The following LRRC66 variants were observed in gnomAD, a reference collection of about 807,000 sequenced individuals.
LRRC66 encodes leucine rich repeat containing 66, also known as leucine-rich repeat-containing protein 66.
LRRC66 carries 29 observed loss-of-function variants against 24.6 expected under a neutral mutation model. That is an observed-to-expected ratio of 1.18 (90% CI 0.88 to 1.61). The LOEUF (loss-of-function observed/expected upper bound fraction) is 1.61. Among genes scored for constraint, LRRC66 ranks in the 40% most tolerant of loss-of-function variants. The pLI, the probability that LRRC66 is intolerant of heterozygous loss-of-function variation, is 0.00. For missense variants in LRRC66, 1,124 were observed against 1,058.0 expected (o/e 1.06, Z -0.87); for synonymous variants, 411 against 397.6 (o/e 1.03, Z -0.40).
chr4:52,009,360 T>C (rs1311887181), intron 2 of LRRC66, among the ~76,000 whole-genome samples: 3 of 151,878 alleles, frequency 2.0e-5, no homozygotes, highest in Admixed American at 2.0e-4. Flanking sequence ...ATGAATGAAA[T>C]TGTAAGTAAG....
intron 3 of LRRC66, among the ~76,000 whole-genome samples, chr4:51,999,944 T>C (rs769997349): frequency 1.3e-5 from 2 of 152,314 alleles, no homozygotes; most frequent in Non-Finnish European, 2.9e-5. Flanking sequence ...CAAAGCATGG[T>C]GATAAATGTA....
intron 1 of LRRC66, among the ~76,000 whole-genome samples, chr4:52,018,946 A>C (rs1285041251): frequency 6.6e-6 from 1 of 152,150 alleles, no homozygotes; most frequent in Non-Finnish European, 1.5e-5. Flanking sequence ...GCGCCATGTC[A>C]GCTCACCACA....
At chr4:52,010,110 G>A (rs1006593279) in intron 2 of LRRC66, among the ~76,000 whole-genome samples, 1 of 152,068 alleles carries the variant, frequency 6.6e-6, no homozygotes, top group South Asian at 2.1e-4. Context: ...ATCCAGAAAA[G>A]GTCTTGGGCA....
chr4:52,007,569 G>C (rs1736617007), intron 2 of LRRC66, among the ~76,000 whole-genome samples: 1 of 152,172 alleles, frequency 6.6e-6, no homozygotes, highest in African/African-American at 2.4e-5. Context: ...GTTTCTCATA[G>C]CTGGAATTGA....
intron 1 of LRRC66, among the ~76,000 whole-genome samples, chr4:52,018,937 C>T (rs1428855770): frequency 3.3e-5 from 5 of 152,164 alleles, no homozygotes; most frequent in African/African-American, 7.2e-5. Context: ...AGTGCAAGAG[C>T]GCCATGTCAG....
chr4:52,011,937 C>A (rs1038188906), intron 2 of LRRC66, among the ~76,000 whole-genome samples: 17 of 152,264 alleles, frequency 1.1e-4, no homozygotes, highest in Middle Eastern at 3.4e-3. Flanking sequence ...GTAATCCCAG[C>A]ACTTTGGGAG....
At chr4:51,998,079 G>A (rs967956456) in intron 3 of LRRC66, 142 bp from the exon 4 acceptor site, 16 of 705,290 alleles carry the variant, frequency 2.3e-5, no homozygotes, top group Non-Finnish European at 3.5e-5. Context: ...GGGAATTAGT[G>A]GGGTTTTAAG....
At chr4:52,006,549 T>G (rs1228306857) in intron 2 of LRRC66, among the ~76,000 whole-genome samples, 1 of 68,616 alleles carries the variant, frequency 1.5e-5, no homozygotes, top group Non-Finnish European at 2.7e-5. Flanking sequence ...TGGGGACTGT[T>G]GTGGGTTGGG....
chr4:52,007,683 AG>A (rs2110199349), intron 2 of LRRC66, among the ~76,000 whole-genome samples: 1 of 152,378 alleles, frequency 6.6e-6, no homozygotes, highest in Admixed American at 6.5e-5. Context: ...TCTTGTGGGC[AG>A]AATACACTTC....
Position 52,017,462 on chromosome 4 carries a change from T to G in LRRC66, c.152A>C (p.Lys51Thr). 6.2e-7 allele frequency: 1 copy of G among 1,614,128 alleles called. No homozygotes were observed. Among genetic ancestry groups the G allele is most frequent in the South Asian group, 1.1e-5 (1 of 91,078 alleles). Residue 51 changes from lysine to threonine, a missense_variant, in exon 2 of 5, where the codon AAG becomes ACG. Transcript: ENST00000682860. ...YILTNCSFTG[K>T]CDIPVDISQT... is the part of the protein sequence containing the mutation. Reference sequence around the variant, plus strand: ...TGATATGTCCACAGGTATATCACACTTTCCGGTAAAAGAACAATTTGTCAG... The same window carrying G: ...TGATATGTCCACAGGTATATCACACGTTCCGGTAAAAGAACAATTTGTCAG...
intron 2 of LRRC66, among the ~76,000 whole-genome samples, chr4:52,015,719 T>C (rs1246359351): frequency 6.6e-6 from 1 of 152,234 alleles, no homozygotes; most frequent in African/African-American, 2.4e-5. Context: ...GTAGCTATAA[T>C]GACGTCCATC....
chr4:51,997,475 C>A (rs1736346773), intron 4 of LRRC66, among the ~76,000 whole-genome samples: 10 of 152,232 alleles, frequency 6.6e-5, no homozygotes, highest in Admixed American at 6.5e-4. Context: ...ACAAAACTCA[C>A]TTCTAGTGGA....
chr4:52,010,800 A>G (rs1736684087), intron 2 of LRRC66, among the ~76,000 whole-genome samples: 1 of 151,910 alleles, frequency 6.6e-6, no homozygotes, highest in Admixed American at 6.6e-5. Flanking sequence ...AGAATGATTT[A>G]TTTTTCCTTT....
intron 2 of LRRC66, among the ~76,000 whole-genome samples, chr4:52,016,864 A>G (rs955961151): frequency 6.6e-6 from 1 of 152,204 alleles, no homozygotes; most frequent in African/African-American, 2.4e-5. Context: ...TTTAGCACTT[A>G]AATACTTCCT....
At position 52,017,226 on chromosome 4, in the gene LRRC66, T is replaced by C. The variant is rs1736834114; in HGVS notation, c.388A>G (p.Ser130Gly). 6.2e-7 allele frequency: 1 copy of C among 1,614,166 alleles called. No individual in the cohort carries two copies. The highest frequency in any genetic ancestry group is 8.5e-7 in the Non-Finnish European group (1 of 1,180,000). ...CGTTTCACCCATGAGGACTTAGGACTGAGTAGATCCAATGAGAGGGAGTGG... is the reference window on the plus strand; with the variant it reads ...CGTTTCACCCATGAGGACTTAGGACCGAGTAGATCCAATGAGAGGGAGTGG... The part of the protein sequence containing the change: ...AIHSLSLDLL[S>G]PKSSWVKRHR... Residue 130 changes from serine (S) to glycine (G), a missense_variant, in exon 2 of 5, where the codon AGT becomes GGT. By Grantham distance (56) the Ser-to-Gly change is moderately conservative (BLOSUM62 0). Transcript: ENST00000682860.
At chr4:52,014,338 C>G (rs1310037277) in intron 2 of LRRC66, among the ~76,000 whole-genome samples, 1 of 152,042 alleles carries the variant, frequency 6.6e-6, no homozygotes, top group African/African-American at 2.4e-5. Flanking sequence ...CAATTTATGC[C>G]AAGAGAATAA....
At position 52,017,463 on chromosome 4, in the gene LRRC66, T is replaced by A; in HGVS notation, c.151A>T (p.Lys51Ter). The A allele has an allele frequency of 6.2e-7, 1 of 1,614,106 alleles. No individual in the cohort carries two copies. Among genetic ancestry groups the A allele is most frequent in the Non-Finnish European group, 8.5e-7 (1 of 1,179,992 alleles). ...YILTNCSFTG[K>*]CDIPVDISQT... Reference sequence around the variant, plus strand: ...GATATGTCCACAGGTATATCACACTTTCCGGTAAAAGAACAATTTGTCAGA... The same window carrying A: ...GATATGTCCACAGGTATATCACACTATCCGGTAAAAGAACAATTTGTCAGA... The change falls in exon 2 of 5, where the codon AAG (lysine) becomes TAG (stop). Residue 51 changes from lysine (K) to a stop codon, truncating the protein, a stop_gained. Transcript: ENST00000682860. LOFTEE classifies it high-confidence loss of function.
intron 3 of LRRC66, among the ~76,000 whole-genome samples, chr4:51,999,941 T>C (rs1038709864): frequency 3.9e-5 from 6 of 152,160 alleles, no homozygotes; most frequent in Non-Finnish European, 5.9e-5. Flanking sequence ...CATCAAAGCA[T>C]GGTGATAAAT....
At chr4:52,003,728 A>T (rs1043716153) in intron 2 of LRRC66, among the ~76,000 whole-genome samples, 1 of 152,190 alleles carries the variant, frequency 6.6e-6, no homozygotes, top group African/African-American at 2.4e-5. Context: ...TAACAGTTAG[A>T]GTTAGGACTA....
Sources: allele counts gnomAD v4.1 joint callset (sites outside exome capture counted in the v4.1 genomes callset), GRCh38; gene constraint gnomAD v4.1.1; transcripts MANE v1.5; gene names NCBI Gene and HGNC (gene_info 2026-07-23, HGNC 2026-07-21).